USP3: variants seen among roughly 807,000 people sequenced by gnomAD.
USP3 encodes the protein ubiquitin carboxyl-terminal hydrolase 3.
Under a neutral mutation model 72.3 loss-of-function variants are expected in USP3, and 20 were observed. That is an observed-to-expected ratio of 0.28 (90% CI 0.19 to 0.40). The LOEUF (loss-of-function observed/expected upper bound fraction) is 0.40. Ranked by LOEUF, USP3 falls within the 10% of genes least tolerant of loss-of-function variation. The pLI is 1.00. For synonymous variants in USP3, 222 were observed against 225.3 expected (o/e 0.99, Z 0.13); for missense variants, 479 against 633.9 (o/e 0.76, Z 2.62).
At chr15:63,584,935 G>T (rs532153643) in intron 11 of USP3, among the ~76,000 whole-genome samples, 2 of 152,138 alleles carry the variant, frequency 1.3e-5, no homozygotes, top group African/African-American at 4.8e-5. Context: ...TTTGTATATG[G>T]TGTAAGAGTC....
intron 1 of USP3, among the ~76,000 whole-genome samples, chr15:63,530,932 T>G (rs543890164): frequency 1.9e-4 from 29 of 152,322 alleles, no homozygotes; most frequent in Admixed American, 5.2e-4. Context: ...CTTCCGCACC[T>G]TTCTGTCATG....
intron 1 of USP3, among the ~76,000 whole-genome samples, chr15:63,510,237 C>G (rs975198943): frequency 8.5e-5 from 13 of 152,124 alleles, no homozygotes; most frequent in Non-Finnish European, 1.3e-4. Flanking sequence ...GTGTGTAGCT[C>G]AGTGAGTCAT....
intron 4 of USP3, chr15:63,556,408 T>TC: frequency 3.0e-6 from 1 of 329,674 alleles, no homozygotes; most frequent in Non-Finnish European, 5.6e-6. Context: ...GTGGGGAGTG[T>TC]CCCACGGGCT....
At chr15:63,584,092 G>GTTTTT (rs61574200) in intron 11 of USP3, among the ~76,000 whole-genome samples, 3,267 of 85,014 alleles carry the variant, frequency 0.038, no homozygotes, top group East Asian at 0.07. Context: ...CAACGGTTTT[G>GTTTTT]TTTTTTTTTT....
chr15:63,559,673 C>T (rs1242197104), intron 6 of USP3, among the ~76,000 whole-genome samples, 184 bp from the exon 7 acceptor site: 2 of 152,042 alleles, frequency 1.3e-5, no homozygotes, highest in African/African-American at 4.8e-5. Context: ...TCTGTCTATA[C>T]TGTTTTCTTA....
chr15:63,552,087 T>C (rs1423210010), intron 3 of USP3, among the ~76,000 whole-genome samples: 1 of 152,220 alleles, frequency 6.6e-6, no homozygotes, highest in Non-Finnish European at 1.5e-5. Flanking sequence ...AATGGCATCG[T>C]GTAAATATAG....
Position 63,538,755 on chromosome 15 carries a change from C to T in USP3, c.284+1599C>T, listed in dbSNP as rs1233954528. Among the ~76,000 whole-genome samples, 18 of 152,052 alleles carry T rather than the reference C, an allele frequency of 1.2e-4. 2 individuals carry two copies. The highest frequency in any genetic ancestry group is 8.5e-4 in the Admixed American group (13 of 15,264). Reference sequence around the variant, plus strand: ...TAGAGACAGGGTTTCACCGTGTTAGCCAGGATGGTCTCAATCTCTTGACCT... The same window carrying T: ...TAGAGACAGGGTTTCACCGTGTTAGTCAGGATGGTCTCAATCTCTTGACCT... On this transcript the variant is annotated intron_variant, in intron 3 of 14. Transcript: ENST00000380324.
intron 2 of USP3, among the ~76,000 whole-genome samples, chr15:63,534,908 TTTTATTTG>T (rs776891375): frequency 6.6e-4 from 74 of 112,580 alleles, no homozygotes; most frequent in Non-Finnish European, 7.5e-4. Context: ...AGAGTTTGCC[TTTTATTTG>T]TTTATTTATT....
chr15:63,554,495 C>G (rs1010910071), intron 4 of USP3, among the ~76,000 whole-genome samples: 2 of 152,184 alleles, frequency 1.3e-5, no homozygotes, highest in African/African-American at 2.4e-5. Flanking sequence ...AAGCATGGCT[C>G]TGGAATGACT....
rs1465817959 is a variant in USP3 at position 63,570,065 on chromosome 15, A to G, written c.762-368A>G. ...CTAGAGAGGTTATGTGGGCAGGGAGAAGAGTCAGAGTCCACCAGGAAACAA... is the reference window on the plus strand; with the variant it reads ...CTAGAGAGGTTATGTGGGCAGGGAGGAGAGTCAGAGTCCACCAGGAAACAA... On this transcript the variant is annotated intron_variant, in intron 8 of 14. Transcript: ENST00000380324. This position sits in a 1 kb window ranked among gnomAD's most constrained non-coding sequence, Gnocchi z 4.4. Among the ~76,000 whole-genome samples, 3 of 152,060 alleles carry G rather than the reference A, an allele frequency of 2.0e-5. No homozygotes were observed. Among genetic ancestry groups the G allele is most frequent in the Non-Finnish European group, 2.9e-5 (2 of 68,012 alleles).
chr15:63,537,249 T>C, intron 3 of USP3, 93 bp downstream of exon 3: 1 of 1,368,734 alleles, frequency 7.3e-7, no homozygotes, highest in Non-Finnish European at 9.8e-7. Flanking sequence ...CAGTTACTAC[T>C]GCTGTTACCT....
intron 11 of USP3, among the ~76,000 whole-genome samples, chr15:63,580,911 C>A (rs1214262997): frequency 6.6e-6 from 1 of 151,566 alleles, no homozygotes; most frequent in African/African-American, 2.4e-5. Context: ...CAGGTTCAAG[C>A]GATTCTCCTG....
chr15:63,588,382 C>G lies in USP3; in HGVS notation c.1174C>G (p.Gln392Glu), dbSNP rs1334165161. ...LYMCHKCKKK[Q>E]KSTKKFWIQK... Reference sequence around the variant, plus strand: ...TATGTGCCATAAATGCAAAAAGAAACAAAAGTCCACAAAAAAGTTTTGGAT... The same window carrying G: ...TATGTGCCATAAATGCAAAAAGAAAGAAAAGTCCACAAAAAAGTTTTGGAT... The change falls in exon 12 of 15, where the codon CAA becomes GAA. Residue 392 changes from glutamine to glutamate, a missense_variant. Gln to Glu is a conservative substitution (Grantham distance 29). Coordinates refer to ENST00000380324, the MANE Select transcript of USP3 (RefSeq NM_006537.4). The surrounding 1 kb of genome is among the most constrained non-coding windows in gnomAD (Gnocchi z 4.6). 6.2e-7 allele frequency: 1 copy of G among 1,606,238 alleles called. No homozygotes were observed. The highest frequency in any genetic ancestry group is 1.7e-5 in the Admixed American group (1 of 57,558).
chr15:63,504,962 G>A (rs2152644147), intron 1 of USP3, 132 bp downstream of exon 1: 2 of 587,856 alleles, frequency 3.4e-6, no homozygotes, highest in African/African-American at 2.0e-5. Context: ...CCGGCGGGCT[G>A]GGGAGGGTAC....
intron 1 of USP3, among the ~76,000 whole-genome samples, chr15:63,512,336 TCC>T (rs2065797860): frequency 9.7e-6 from 1 of 102,604 alleles, no homozygotes. Context: ...TTCCTCTTCC[TCC>T]TCTTCCTCCT....
At chr15:63,512,062 T>A in intron 1 of USP3, among the ~76,000 whole-genome samples, 1 of 149,190 alleles carries the variant, frequency 6.7e-6, no homozygotes, top group East Asian at 2.0e-4. Context: ...GCTCAAGTAA[T>A]TCTTTGCCTC....
At chr15:63,507,586 A>G (rs1407435538) in intron 1 of USP3, among the ~76,000 whole-genome samples, 3 of 152,212 alleles carry the variant, frequency 2.0e-5, no homozygotes, top group Non-Finnish European at 4.4e-5. Flanking sequence ...ACTAGAACAG[A>G]CTGGCTTTAT....
chr15:63,554,645 T>C (rs1567112416), intron 4 of USP3, among the ~76,000 whole-genome samples: 1 of 152,206 alleles, frequency 6.6e-6, no homozygotes. Flanking sequence ...GTAAAGCCCA[T>C]AGAATGTTTG....
chr15:63,560,195 G>A (rs2066584105), intron 7 of USP3, among the ~76,000 whole-genome samples: 1 of 152,082 alleles, frequency 6.6e-6, no homozygotes, highest in Admixed American at 6.6e-5. Context: ...TGAGGCGGGT[G>A]GATCACCTGA....
Sources: gnomAD v4.1 joint callset for allele counts (sites outside exome capture counted in the v4.1 genomes callset) on GRCh38, gnomAD v4.1.1 for gene constraint, Gnocchi (gnomAD v3.1) non-coding constraint, MANE v1.5 for transcripts, NCBI Gene and HGNC (gene_info 2026-07-23, HGNC 2026-07-21) for gene names.